ABCA12: variants seen among roughly 807,000 people sequenced by gnomAD.
The protein encoded by ABCA12 is glucosylceramide transporter ABCA12.
ABCA12 carries 156 observed loss-of-function variants against 293.5 expected under a neutral mutation model. The ratio of observed to expected loss-of-function variants is 0.53; its 90% confidence interval spans 0.47 to 0.61. The LOEUF is 0.61. Ranked by LOEUF, ABCA12 falls within the 20% of genes least tolerant of loss-of-function variation. ABCA12 has a pLI of 0.00. For missense variants in ABCA12, 2,797 were observed against 3,090.2 expected, an observed-to-expected ratio of 0.91 and a Z score of 2.25; for synonymous variants, 1,063 against 1,108.0, an observed-to-expected ratio of 0.96 and a Z score of 0.81.
At chr2:215,063,954 G>A in intron 3 of ABCA12, 112 bp downstream of exon 3, 1 of 1,337,570 alleles carries the variant, frequency 7.5e-7, no homozygotes, top group Admixed American at 1.7e-5. Flanking sequence ...CACATTTATA[G>A]ACAGAGAAAA....
At position 214,973,896 on chromosome 2, in the gene ABCA12, C is replaced by G; in HGVS notation, c.5562+53G>C. 4.8e-6 allele frequency: 7 copies of G among 1,453,606 alleles called. No homozygotes were observed. In the South Asian group the frequency reaches 6.8e-5, roughly 14 times the overall value. 90.0% of individuals were successfully genotyped at this position (1,453,606 alleles called of 1,614,324 possible). A position where few individuals can be genotyped will look rare whatever the true frequency, so the allele number is the denominator to read the frequency against. ...AACCTAGAGAGATCTTTCGAGCTTT[C>G]GATATTTATTCCCGTATTTTTCCCA... On this transcript the variant is annotated intron_variant, in intron 36 of 52. Transcript: ENST00000272895.
Position 214,944,994 on chromosome 2 carries a change from A to G in ABCA12, c.7343+7T>C, listed in dbSNP as rs748830495. ...TGGATTCGCTTTAAAGATTCCACTC[A>G]GTTTACCTGTGAGATGTGAGGATGA... On this transcript the variant is annotated splice_region_variant and intron_variant, in intron 49 of 52. Coordinates refer to ENST00000272895, the MANE Select transcript of ABCA12 (RefSeq NM_173076.3). 8.1e-6 allele frequency: 13 copies of G among 1,612,156 alleles called. No individual in the cohort carries two copies. Among genetic ancestry groups the G allele is most frequent in the Middle Eastern group, 1.7e-4 (1 of 5,954 alleles).
chr2:215,007,618 A>C, intron 19 of ABCA12, 109 bp downstream of exon 19: 2 of 1,385,438 alleles, frequency 1.4e-6, no homozygotes, highest in South Asian at 2.4e-5. Context: ...GAGGCAATTT[A>C]ATCTGTTGAA....
intron 2 of ABCA12, among the ~76,000 whole-genome samples, chr2:215,083,581 C>T (rs895680778): frequency 1.3e-5 from 2 of 152,164 alleles, no homozygotes; most frequent in Non-Finnish European, 2.9e-5. Flanking sequence ...ATTAACCACA[C>T]TAAGTTTCTT....
At chr2:215,093,006 CT>C (rs1702178571) in intron 2 of ABCA12, among the ~76,000 whole-genome samples, 2 of 152,180 alleles carry the variant, frequency 1.3e-5, no homozygotes, top group East Asian at 1.9e-4. Flanking sequence ...GATTTACTTT[CT>C]TTCCATCCAT....
intron 45 of ABCA12, among the ~76,000 whole-genome samples, chr2:214,949,357 A>AAT (rs371533143): frequency 0.042 from 6,113 of 145,008 alleles, 147 homozygotes; most frequent in South Asian, 0.065. Flanking sequence ...TAACCATCTG[A>AAT]ATATATATAT....
intron 2 of ABCA12, among the ~76,000 whole-genome samples, chr2:215,076,805 A>C (rs1202800418): frequency 6.6e-6 from 1 of 152,226 alleles, no homozygotes; most frequent in Non-Finnish European, 1.5e-5. Flanking sequence ...AGCTGCCTAA[A>C]TCAATGGAGA....
intron 11 of ABCA12, chr2:215,023,056 T>C (rs772556684): frequency 2.0e-5 from 3 of 152,234 alleles, no homozygotes; most frequent in Non-Finnish European, 4.4e-5. Context: ...CACCAATGAA[T>C]GCCAGGGTTC....
chr2:215,083,380 A>G (rs1292682054), intron 2 of ABCA12, among the ~76,000 whole-genome samples: 1 of 152,186 alleles, frequency 6.6e-6, no homozygotes, highest in Non-Finnish European at 1.5e-5. Flanking sequence ...TCACAGTGAC[A>G]GGTCAAGACA....
rs1702259147 is a variant in ABCA12, at chr2:215,096,879, G to C, written c.163+14718C>G. Among the ~76,000 whole-genome samples, 3 of 151,902 alleles carry C rather than the reference G, an allele frequency of 2.0e-5. No homozygotes were observed. The South Asian group carries it at 6.2e-4, about 32-fold the overall frequency. On this transcript the variant is annotated intron_variant, in intron 2 of 52. Coordinates refer to ENST00000272895, the MANE Select transcript of ABCA12 (RefSeq NM_173076.3). ...TGGTATTTATGACTCCGGGTCTCTT[G>C]GTCTAATTTTATAGATTCAAACTCA...
Position 214,979,005 on chromosome 2 carries a change from G to A in ABCA12, c.4776C>T (p.Thr1592=), listed in dbSNP as rs745860610. 1.2e-6 allele frequency: 2 copies of A among 1,613,934 alleles called. No individual in the cohort carries two copies. The highest frequency in any genetic ancestry group is 1.7e-5 in the Admixed American group (1 of 59,980). ...PNLNANAVCD[T]MAVTAMIQSH... ...ATTGGATCATTGCTGTCACGGCCAT[G>A]GTGTCACATACTGCATTTGCATTTA... is the stretch of plus-strand genomic sequence containing the variant. The change falls in exon 32 of 53, where the codon ACC becomes ACT. Residue 1592 remains threonine, a synonymous_variant. Transcript: ENST00000272895.
intron 1 of ABCA12, among the ~76,000 whole-genome samples, chr2:215,131,379 G>A (rs1050007658): frequency 2.0e-5 from 3 of 151,226 alleles, no homozygotes; most frequent in Non-Finnish European, 4.4e-5. Context: ...TTTTTTTATC[G>A]GGAGATTTTT....
At chr2:214,999,579 C>T (rs943458757) in intron 22 of ABCA12, among the ~76,000 whole-genome samples, 1 of 152,162 alleles carries the variant, frequency 6.6e-6, no homozygotes, top group African/African-American at 2.4e-5. Context: ...ACTGCACACC[C>T]AGGTACCCAC....
At chr2:215,051,373 A>G (rs1244749082) in intron 5 of ABCA12, among the ~76,000 whole-genome samples, 3 of 152,074 alleles carry the variant, frequency 2.0e-5, no homozygotes, top group African/African-American at 7.2e-5. Flanking sequence ...AGAGTTGATG[A>G]GTGTGATGCC....
chr2:215,010,938 T>C (rs1287153597), intron 17 of ABCA12, among the ~76,000 whole-genome samples: 7 of 152,190 alleles, frequency 4.6e-5, no homozygotes, highest in Admixed American at 4.6e-4. Context: ...ACATTTTGCA[T>C]CTCCAAGTTT....
At chr2:215,096,003 G>A (rs1209667863) in intron 2 of ABCA12, among the ~76,000 whole-genome samples, 1 of 152,146 alleles carries the variant, frequency 6.6e-6, no homozygotes, top group Non-Finnish European at 1.5e-5. Flanking sequence ...AGCATGTTTG[G>A]TGGTCTCTTC....
chr2:215,025,850 C>T (rs1304639828), intron 10 of ABCA12, 71 bp from the exon 11 acceptor site: 8 of 1,031,030 alleles, frequency 7.8e-6, no homozygotes, highest in Non-Finnish European at 1.1e-5. Context: ...TTGAAAGACA[C>T]CTCTATCCTG....
Position 214,987,663 on chromosome 2 carries a change from G to A in ABCA12, c.3960C>T (p.Asn1320=), listed in dbSNP as rs773811965. 48 of 1,613,916 alleles carry A rather than the reference G, an allele frequency of 3.0e-5. No homozygotes were observed. The highest frequency in any genetic ancestry group is 3.9e-5 in the Non-Finnish European group (46 of 1,179,872). Residue 1320 remains asparagine (N), a synonymous_variant, in exon 27 of 53, where the codon AAC becomes AAT. Transcript: ENST00000272895. ...GLMFTNIMMQ[N]TNPSASPEYM... ...TTGTCTTACTGGCAGATGGGTTGGTGTTCTGCATCATGATGTTAGTAAACA... is the reference window on the plus strand; with the variant it reads ...TTGTCTTACTGGCAGATGGGTTGGTATTCTGCATCATGATGTTAGTAAACA...
chr2:214,966,885 CAGAAGGAAATT>C lies in ABCA12; in HGVS notation c.5836_5846del (p.Asn1946AlafsTer3). 1 of 1,613,808 alleles carries C rather than the reference CAGAAGGAAATT, an allele frequency of 6.2e-7. No homozygotes were observed. Among genetic ancestry groups the C allele is most frequent in the Non-Finnish European group, 8.5e-7 (1 of 1,179,818 alleles). On this transcript the variant is annotated frameshift_variant, in exon 39 of 53. Transcript: ENST00000272895. LOFTEE classifies it high-confidence loss of function. ...CATCGTATTTTGACATGTTAACTCG[CAGAAGGAAATT>C]ATTCAGGCTGTTGAGGTAAGCTGGA...
Sources: allele counts gnomAD v4.1 joint callset (sites outside exome capture counted in the v4.1 genomes callset), GRCh38; gene constraint gnomAD v4.1.1; transcripts MANE v1.5; gene names NCBI Gene and HGNC (gene_info 2026-07-23, HGNC 2026-07-21).